Variants in NRXN1 observed in about 807,000 individuals in gnomAD.
NRXN1 encodes neurexin-1.
NRXN1 carries 39 observed loss-of-function variants against 150.9 expected under a neutral mutation model. That is an observed-to-expected ratio of 0.26 (90% CI 0.20 to 0.34). NRXN1 has a LOEUF of 0.34. NRXN1 is among the 10% of genes least tolerant of loss of function. The pLI, the probability that NRXN1 is intolerant of heterozygous loss-of-function variation, is 1.00. For synonymous variants in NRXN1, 924 were observed against 757.0 expected (o/e 1.22, Z -3.62); for missense variants, 1,815 against 1,949.9 (o/e 0.93, Z 1.30).
chr2:49,978,161 C>T (rs1679329087), intron 21 of NRXN1, among the ~76,000 whole-genome samples: 1 of 152,054 alleles, frequency 6.6e-6, no homozygotes, highest in Non-Finnish European at 1.5e-5. Flanking sequence ...ACTCCATCCC[C>T]CACAAAAAAG....
chr2:50,136,241 C>T (rs1706389801), intron 18 of NRXN1, among the ~76,000 whole-genome samples: 1 of 151,984 alleles, frequency 6.6e-6, no homozygotes, highest in Non-Finnish European at 1.5e-5. Flanking sequence ...GCAAGCCTGA[C>T]TTACGCCAAG....
At chr2:50,932,854 T>C (rs550757424) in intron 2 of NRXN1, among the ~76,000 whole-genome samples, 3 of 152,126 alleles carry the variant, frequency 2.0e-5, no homozygotes, top group Non-Finnish European at 4.4e-5. Context: ...AATGATTTCA[T>C]AGATCCTGCT....
intron 8 of NRXN1, among the ~76,000 whole-genome samples, chr2:50,600,713 G>C (rs1457723111): frequency 6.6e-6 from 1 of 152,144 alleles, no homozygotes; most frequent in Non-Finnish European, 1.5e-5. Flanking sequence ...TTACTTAGAA[G>C]TTTCTACAGA....
At chr2:50,285,781 C>T (rs138909137) in intron 17 of NRXN1, among the ~76,000 whole-genome samples, 13 of 151,794 alleles carry the variant, frequency 8.6e-5, no homozygotes, top group South Asian at 2.1e-4. Context: ...TTCAACTTTA[C>T]GAAATGATCT....
At chr2:50,383,795 C>CCCTA (rs1341390760) in intron 17 of NRXN1, among the ~76,000 whole-genome samples, 1 of 151,898 alleles carries the variant, frequency 6.6e-6, no homozygotes, top group Non-Finnish European at 1.5e-5. Context: ...TTTTTTTCAG[C>CCCTA]CCTAATAGTT....
chr2:50,085,053 T>A (rs12476825), intron 19 of NRXN1, among the ~76,000 whole-genome samples: 50,732 of 152,128 alleles, frequency 0.33, 9,773 homozygotes, highest in African/African-American at 0.51. Context: ...TTTAATTTAC[T>A]CAGCTACTGT....
chr2:50,239,004 C>A (rs1467084313), intron 17 of NRXN1, among the ~76,000 whole-genome samples: 1 of 151,954 alleles, frequency 6.6e-6, no homozygotes, highest in Non-Finnish European at 1.5e-5. Context: ...AAGCACCAGT[C>A]AGTGCACAAA....
intron 5 of NRXN1, chr2:50,632,336 T>TA (rs1682484821): frequency 6.6e-6 from 1 of 152,060 alleles, no homozygotes; most frequent in African/African-American, 2.4e-5. Flanking sequence ...TGTATTTTTT[T>TA]AATATACACA....
At chr2:50,319,706 G>C (rs2075871342) in intron 17 of NRXN1, among the ~76,000 whole-genome samples, 1 of 151,706 alleles carries the variant, frequency 6.6e-6, no homozygotes, top group African/African-American at 2.4e-5. Flanking sequence ...GTGGCAGACA[G>C]TGGCAGACAG....
Position 50,346,616 on chromosome 2 carries a change from A to C in NRXN1, c.3365-109646T>G. 1.3e-6 allele frequency: 2 copies of C among 1,498,490 alleles called. No homozygotes were observed. The highest frequency in any genetic ancestry group is 2.3e-5 in the South Asian group (2 of 88,514). 92.8% of individuals were successfully genotyped at this position (1,498,490 alleles called of 1,614,324 possible). A position where few individuals can be genotyped will look rare whatever the true frequency, so the allele number is the denominator to read the frequency against. On this transcript the variant is annotated intron_variant, in intron 17 of 22. Transcript: ENST00000401669. This position sits in a 1 kb window ranked among gnomAD's most constrained non-coding sequence, Gnocchi z 5.0. ...AGCTCCCATTTCTCTGAGCCTTAGG[A>C]GCCCAGGAGCGAGTGCAGGGTAGAA...
chr2:50,985,868 A>G (rs1015066418), intron 2 of NRXN1, among the ~76,000 whole-genome samples: 1 of 151,752 alleles, frequency 6.6e-6, no homozygotes, highest in Non-Finnish European at 1.5e-5. Flanking sequence ...TGATAAACAT[A>G]TTTGTCCCAT....
At chr2:50,755,775 T>C (rs1024907875) in intron 5 of NRXN1, among the ~76,000 whole-genome samples, 2 of 151,840 alleles carry the variant, frequency 1.3e-5, no homozygotes, top group Non-Finnish European at 2.9e-5. Context: ...TCATCACTAA[T>C]CCAGATCCAG....
chr2:50,175,250 G>A (rs2060282442), intron 18 of NRXN1: 1 of 152,104 alleles, frequency 6.6e-6, no homozygotes, highest in African/African-American at 2.4e-5. Flanking sequence ...CAAATCAAGT[G>A]CACATGCTTT....
chr2:50,237,431 G>C (rs185520606), intron 17 of NRXN1, among the ~76,000 whole-genome samples: 1 of 151,974 alleles, frequency 6.6e-6, no homozygotes, highest in African/African-American at 2.4e-5. Flanking sequence ...AATGTGCTAG[G>C]AATGTAACTT....
At chr2:50,001,997 T>G (rs1573337651) in intron 21 of NRXN1, among the ~76,000 whole-genome samples, 2 of 152,002 alleles carry the variant, frequency 1.3e-5, no homozygotes, top group Admixed American at 1.3e-4. Context: ...GCAGGCAGCC[T>G]CTAAGAGTTG....
intron 18 of NRXN1, among the ~76,000 whole-genome samples, chr2:50,159,066 A>G (rs561429794): frequency 6.6e-6 from 1 of 151,292 alleles, no homozygotes; most frequent in Non-Finnish European, 1.5e-5. Flanking sequence ...TCCAGGAATG[A>G]AAGTCTCTTT....
At position 50,204,028 on chromosome 2, in the gene NRXN1, T is replaced by C. The variant is rs538428184; in HGVS notation, c.3546+32761A>G. Among the ~76,000 whole-genome samples the C allele has an allele frequency of 2.6e-5, 4 of 152,276 alleles. No homozygotes were observed. In the South Asian group the frequency reaches 8.3e-4, roughly 32 times the overall value. On this transcript the variant is annotated intron_variant, in intron 18 of 22. Transcript: ENST00000401669. The stretch of plus-strand genomic sequence containing the variant: ...TCTCAAATATTCAACTTTCTATGTA[T>C]ACATTATACAGTTTTGACTCAAAGA...
At chr2:50,818,192 G>GTTT (rs369379043) in intron 5 of NRXN1, among the ~76,000 whole-genome samples, 169 of 135,820 alleles carry the variant, frequency 1.2e-3, no homozygotes, top group African/African-American at 3.4e-3. Context: ...AAAAACAATT[G>GTTT]TTTTTTTTTT....
At chr2:50,936,181 A>C (rs1004015069) in intron 2 of NRXN1, among the ~76,000 whole-genome samples, 2 of 152,228 alleles carry the variant, frequency 1.3e-5, no homozygotes, top group African/African-American at 2.4e-5. Context: ...TACTGAGGTC[A>C]TCTGATATTT....
Sources: gnomAD v4.1 joint callset for allele counts (sites outside exome capture counted in the v4.1 genomes callset) on GRCh38, gnomAD v4.1.1 for gene constraint, Gnocchi (gnomAD v3.1) non-coding constraint, MANE v1.5 for transcripts, NCBI Gene and HGNC (gene_info 2026-07-23, HGNC 2026-07-21) for gene names.